AP2A1: variants seen among roughly 807,000 people sequenced by gnomAD.
The protein encoded by AP2A1 is adaptor related protein complex 2 subunit alpha 1.
Under a neutral mutation model 107.3 loss-of-function variants are expected in AP2A1, and 21 were observed. The observed-to-expected ratio is 0.20, with a 90% CI of 0.14 to 0.28. AP2A1 has a LOEUF of 0.28. Among genes scored for constraint, AP2A1 ranks in the 10% least tolerant of loss-of-function variants. The pLI, the probability that AP2A1 is intolerant of heterozygous loss-of-function variation, is 1.00. For missense variants in AP2A1, 873 were observed against 1,307.7 expected (o/e 0.67, Z 5.13); for synonymous variants, 602 against 564.8 (o/e 1.07, Z -0.93).
chr19:49,788,750 G>A lies in AP2A1; in HGVS notation c.474-3185G>A, dbSNP rs2065521233. 2.0e-5 allele frequency among the ~76,000 whole-genome samples: 3 copies of A among 152,038 alleles called. No individual in the cohort carries two copies. Among genetic ancestry groups the A allele is most frequent in the African/African-American group, 2.4e-5 (1 of 41,382 alleles). On this transcript the variant is annotated intron_variant, in intron 4 of 22. Coordinates refer to ENST00000354293, the MANE Select transcript of AP2A1 (RefSeq NM_130787.3). The surrounding 1 kb of genome is among the most constrained non-coding windows in gnomAD (Gnocchi z 4.5). ...GGAAAGTGGCCTGGAGTCAGGGCTC[G>A]GGAGATGTGCGCTGTGACGGAGGTG...
chr19:49,805,454 G>A lies in AP2A1; in HGVS notation c.2346G>A (p.Gln782=). 1 of 1,536,460 alleles carries A rather than the reference G, an allele frequency of 6.5e-7. No individual in the cohort carries two copies. Among genetic ancestry groups the A allele is most frequent in the Non-Finnish European group, 8.8e-7 (1 of 1,137,038 alleles). The change falls in exon 19 of 23, where the codon CAG becomes CAA. Residue 782 remains glutamine, a splice_region_variant and synonymous_variant. Transcript: ENST00000354293. The part of the protein sequence containing the change: ...TVVHPGDLQT[Q]LAVQTKRVAA... The stretch of plus-strand genomic sequence containing the variant: ...GCTTCCTTGACTCCTGGCGGGCACA[G>A]CTGGCTGTGCAGACCAAGCGCGTGG...
chr19:49,780,339 G>C (rs2084661258), intron 1 of AP2A1, among the ~76,000 whole-genome samples: 1 of 152,252 alleles, frequency 6.6e-6, no homozygotes, highest in Non-Finnish European at 1.5e-5. Flanking sequence ...CGGCCTTTCA[G>C]GGGTGGCAGG....
In AP2A1 at chr19:49,801,867, T is replaced by C; in HGVS notation, c.1931T>C (p.Met644Thr). 1 of 1,500,460 alleles carries C rather than the reference T, an allele frequency of 6.7e-7. No homozygotes were observed. Among genetic ancestry groups the C allele is most frequent in the Non-Finnish European group, 8.9e-7 (1 of 1,128,010 alleles). The allele number at this position is 1,500,460 out of a possible 1,614,324, so 92.9% of individuals were successfully genotyped here. The change falls in exon 14 of 23, where the codon ATG becomes ACG. Residue 644 changes from methionine to threonine, a missense_variant. Around this residue, in one of 4 missense-constraint regions of AP2A1, gnomAD observed 416 missense variants for 473.4 expected, o/e 0.88. Coordinates refer to ENST00000354293, the MANE Select transcript of AP2A1 (RefSeq NM_130787.3). ...DPSSNDINGG[M>T]EPTPSTVSTP... Reference sequence around the variant, plus strand: ...AGCAGCAACGACATCAACGGGGGCATGGAGCCCACCCCCAGCACTGTGGTG... The same window carrying C: ...AGCAGCAACGACATCAACGGGGGCACGGAGCCCACCCCCAGCACTGTGGTG...
chr19:49,781,657 G>A, intron 1 of AP2A1, 100 bp from the exon 2 acceptor site: 3 of 1,233,618 alleles, frequency 2.4e-6, no homozygotes, highest in Non-Finnish European at 2.3e-6. Context: ...GGGCGGAGAA[G>A]ATCTGCCCTT....
At chr19:49,776,049 G>T (rs1031791363) in intron 1 of AP2A1, among the ~76,000 whole-genome samples, 1 of 152,030 alleles carries the variant, frequency 6.6e-6, no homozygotes, top group Non-Finnish European at 1.5e-5. Context: ...GGAGCAAGAT[G>T]TTGGCCGCCT....
intron 15 of AP2A1, 131 bp downstream of exon 15, chr19:49,802,272 G>T (rs1165001222): frequency 1.2e-6 from 1 of 854,800 alleles, no homozygotes; most frequent in East Asian, 2.7e-5. Flanking sequence ...TGATGCCTTC[G>T]CCAGCCCTGG....
intron 22 of AP2A1, 191 bp from the exon 23 acceptor site, chr19:49,806,490 A>C: frequency 2.1e-6 from 3 of 1,433,272 alleles, no homozygotes; most frequent in African/African-American, 1.5e-5. Flanking sequence ...TATCCTTTCC[A>C]CCTTTCTCTC....
intron 4 of AP2A1, among the ~76,000 whole-genome samples, chr19:49,786,426 GACTC>G (rs2084737874): frequency 1.3e-5 from 2 of 152,274 alleles, no homozygotes; most frequent in African/African-American, 4.8e-5. Context: ...TCTCAGTTTG[GACTC>G]GCTGCAGTTC....
chr19:49,801,692 A>AACTG, intron 13 of AP2A1, 30 bp from the exon 14 acceptor site: 1 of 1,231,508 alleles, frequency 8.1e-7, no homozygotes, highest in African/African-American at 2.0e-5. Flanking sequence ...TCCTGACCCG[A>AACTG]ACTGACCTTC....
intron 1 of AP2A1, among the ~76,000 whole-genome samples, chr19:49,780,281 T>C (rs1316673818): frequency 6.6e-6 from 1 of 152,180 alleles, no homozygotes; most frequent in East Asian, 1.9e-4. Context: ...GAAAAATAAC[T>C]CTTTAAGCAG....
intron 1 of AP2A1, among the ~76,000 whole-genome samples, chr19:49,768,080 A>T (rs2084521787): frequency 6.6e-6 from 1 of 151,974 alleles, no homozygotes. Context: ...GAAGTGCTTG[A>T]GGGGTAGATA....
intron 15 of AP2A1, chr19:49,802,544 C>A: frequency 6.2e-7 from 1 of 1,605,678 alleles, no homozygotes; most frequent in Non-Finnish European, 8.5e-7. Flanking sequence ...CGAGCTGGAG[C>A]CGCCTGCCCC....
At chr19:49,806,309 C>T in intron 22 of AP2A1, 56 bp downstream of exon 22, 3 of 1,522,044 alleles carry the variant, frequency 2.0e-6, no homozygotes, top group East Asian at 4.7e-5. Context: ...GTCATCTCTG[C>T]GTCCACCCTT....
intron 15 of AP2A1, 108 bp downstream of exon 15, chr19:49,802,249 CCT>C: frequency 6.4e-6 from 6 of 942,040 alleles, no homozygotes; most frequent in Non-Finnish European, 8.3e-6. Context: ...CCGACTCGCT[CCT>C]CTCTCCATCC....
At chr19:49,782,277 T>C (rs923486510) in intron 3 of AP2A1, among the ~76,000 whole-genome samples, 188 bp downstream of exon 3, 1 of 149,652 alleles carries the variant, frequency 6.7e-6, no homozygotes. Flanking sequence ...GGGTCTGGAC[T>C]CCCCATTCTG....
chr19:49,803,251 A>G (rs746465312), intron 17 of AP2A1, 36 bp from the exon 18 acceptor site: 7 of 1,612,252 alleles, frequency 4.3e-6, no homozygotes, highest in South Asian at 1.1e-5. Flanking sequence ...GGTCAGAGGG[A>G]CTCAGATGGA....
chr19:49,789,228 G>C (rs576348881), intron 4 of AP2A1, among the ~76,000 whole-genome samples: 2 of 152,120 alleles, frequency 1.3e-5, no homozygotes, highest in East Asian at 3.8e-4. Flanking sequence ...CCATGGCTGG[G>C]CCAGTCTTGA....
At position 49,803,318 on chromosome 19, in the gene AP2A1, C is replaced by G; in HGVS notation, c.2286C>G (p.Thr762=). Residue 762 remains threonine (T), a synonymous_variant, in exon 18 of 23, where the codon ACC becomes ACG. Transcript: ENST00000354293. Reference sequence around the variant, plus strand: ...TGTATCTCTTCTATGGCAACAAGACCTCGGTGCAGTTCCAGAATTTCTCAC... The same window carrying G: ...TGTATCTCTTCTATGGCAACAAGACGTCGGTGCAGTTCCAGAATTTCTCAC... ...GRMYLFYGNK[T]SVQFQNFSPT... 1 of 1,613,966 alleles carries G rather than the reference C, an allele frequency of 6.2e-7. No homozygotes were observed. The highest frequency in any genetic ancestry group is 8.5e-7 in the Non-Finnish European group (1 of 1,179,898).
At chr19:49,778,295 C>T (rs1163529400) in intron 1 of AP2A1, among the ~76,000 whole-genome samples, 1 of 152,120 alleles carries the variant, frequency 6.6e-6, no homozygotes, top group East Asian at 1.9e-4. Context: ...TGTAAACCTG[C>T]ACAGTGGCCA....
Sources: allele counts gnomAD v4.1 joint callset (sites outside exome capture counted in the v4.1 genomes callset), GRCh38; gene constraint gnomAD v4.1.1; regional missense constraint gnomAD v4.1.1; non-coding constraint Gnocchi (gnomAD v3.1); transcripts MANE v1.5; gene names NCBI Gene and HGNC (gene_info 2026-07-23, HGNC 2026-07-21).